ENTPD8: variants seen among roughly 807,000 people sequenced by gnomAD.
ENTPD8 encodes the protein ectonucleoside triphosphate diphosphohydrolase 8.
ENTPD8 carries 35 observed loss-of-function variants against 47.0 expected under a neutral mutation model. The ratio of observed to expected loss-of-function variants is 0.75; its 90% confidence interval spans 0.57 to 0.99. The LOEUF (loss-of-function observed/expected upper bound fraction) is 0.99, where lower values mean the gene tolerates loss of function less well. ENTPD8 is among the 50% of genes least tolerant of loss of function. The pLI, the probability that ENTPD8 is intolerant of heterozygous loss-of-function variation, is 0.00. For missense variants in ENTPD8, 668 were observed against 649.9 expected (o/e 1.03, Z -0.30); for synonymous variants, 308 against 290.5 (o/e 1.06, Z -0.61).
In ENTPD8 at chr9:137,437,960, C is replaced by T; in HGVS notation, c.244+7G>A. ...CCCAGCACCGGGCTGCAGAACAGCC[C>T]ACTAACCTTCCACCTGGCAGGCCAG... On this transcript the variant is annotated splice_region_variant and intron_variant, in intron 3 of 9. Transcript: ENST00000371506. The T allele has an allele frequency of 1.9e-6, 3 of 1,609,768 alleles. No individual in the cohort carries two copies. The highest frequency in any genetic ancestry group is 1.1e-5 in the South Asian group (1 of 90,880).
In ENTPD8 at chr9:137,436,608, G is replaced by A. The variant is rs572657869; in HGVS notation, c.699C>T (p.Tyr233=). The change falls in exon 6 of 10, where the codon TAC becomes TAT. Residue 233 remains tyrosine (Y), a synonymous_variant. Transcript: ENST00000371506. ...DKSTQADFRL[Y]GSDYSVYTHS... is the part of the protein sequence containing the mutation. ...GAGTGTAGACGCTGTAGTCGGAGCC[G>A]TAGAGGCGAAAATCGGCCTGGGTGC... 188 of 1,610,912 alleles carry A rather than the reference G, an allele frequency of 1.2e-4. No homozygotes were observed. The highest frequency in any genetic ancestry group is 1.2e-3 in the South Asian group (105 of 90,648).
At position 137,434,719 on chromosome 9, in the gene ENTPD8, G is replaced by A. The variant is rs1839287174; in HGVS notation, c.*195C>T. 3.1e-5 allele frequency: 23 copies of A among 737,000 alleles called. No homozygotes were observed. The South Asian group carries it at 4.2e-4, about 13-fold the overall frequency. 45.7% of individuals were successfully genotyped at this position (737,000 alleles called of 1,614,324 possible). A position where few individuals can be genotyped will look rare whatever the true frequency, so the allele number is the denominator to read the frequency against. On this transcript the variant is annotated 3_prime_UTR_variant, in exon 10 of 10. Coordinates refer to ENST00000371506, the MANE Select transcript of ENTPD8 (RefSeq NM_001033113.2). ...AAGCCCAGTTGCGGAAGGAGGTTGG[G>A]GGAGGGACGCCGGGAGGGGAGGTCA...
Position 137,435,328 on chromosome 9 carries a change from C to T in ENTPD8, c.1172G>A (p.Ser391Asn). ...CQRPWKLVEA[S>N]YPGQDRWLRD... ...CAGCCAGCGGTCCTGCCCAGGGTAG[C>T]TGGCCTCCACCTGGGGCCCAGGAGA... Residue 391 changes from serine (S) to asparagine (N), a missense_variant, in exon 9 of 10, where the codon AGC becomes AAC. Physicochemically the swap from Ser to Asn is conservative, Grantham distance 46 (BLOSUM62 1). Transcript: ENST00000371506. 1.2e-6 allele frequency: 2 copies of T among 1,610,428 alleles called. No individual in the cohort carries two copies. The highest frequency in any genetic ancestry group is 2.2e-5 in the South Asian group (2 of 90,938).
In ENTPD8 at chr9:137,435,270, G is replaced by A; in HGVS notation, c.1230C>T (p.Leu410=). ...RDYCASGLYI[L]TLLHEGYGFS... ...ACCCGTAGCCCTCGTGCAGGAGGGT[G>A]AGGATGTACAGGCCTGAGGCACAGT... The change falls in exon 9 of 10, where the codon CTC becomes CTT. Residue 410 remains leucine (L), a synonymous_variant. Coordinates refer to ENST00000371506, the MANE Select transcript of ENTPD8 (RefSeq NM_001033113.2). The A allele has an allele frequency of 6.2e-7, 1 of 1,612,556 alleles. No homozygotes were observed. Among genetic ancestry groups the A allele is most frequent in the Non-Finnish European group, 8.5e-7 (1 of 1,179,904 alleles).
intron 1 of ENTPD8, among the ~76,000 whole-genome samples, chr9:137,439,596 G>A (rs868176752): frequency 6.6e-6 from 1 of 152,068 alleles, no homozygotes. Context: ...TTTAAGGAGG[G>A]TAGATGACAG....
intron 3 of ENTPD8, among the ~76,000 whole-genome samples, chr9:137,437,636 T>C (rs1189117651): frequency 1.3e-5 from 2 of 151,878 alleles, no homozygotes; most frequent in African/African-American, 4.8e-5. Flanking sequence ...GATCCTGGAG[T>C]GCAGGCACCC....
In ENTPD8 at chr9:137,438,959, C is replaced by T. The variant is rs1839443701; in HGVS notation, c.-20-654G>A. Among the ~76,000 whole-genome samples, 1 of 152,146 alleles carries T rather than the reference C, an allele frequency of 6.6e-6. No individual in the cohort carries two copies. The highest frequency in any genetic ancestry group is 2.4e-5 in the African/African-American group (1 of 41,424). On this transcript the variant is annotated intron_variant, in intron 1 of 9. Coordinates refer to ENST00000371506, the MANE Select transcript of ENTPD8 (RefSeq NM_001033113.2). This position sits in a 1 kb window ranked among gnomAD's most constrained non-coding sequence, Gnocchi z 5.7. ...CACAGCTCCAGCCTGCACTGGGGGC[C>T]CAGGGCTCTGCCTCCTCTCTGCGGC...
In ENTPD8 at chr9:137,436,142, A is replaced by G. The variant is rs756561242; in HGVS notation, c.921T>C (p.Val307=). Residue 307 remains valine (V), a synonymous_variant, in exon 7 of 10, where the codon GTT becomes GTC. Coordinates refer to ENST00000371506, the MANE Select transcript of ENTPD8 (RefSeq NM_001033113.2). ...PPLSLPQNLT[V]EGTGNPGACV... The stretch of plus-strand genomic sequence containing the variant: ...AGGCTCCAGGGTTGCCTGTCCCTTC[A>G]ACTGTGAGGTTCTGGGGGAGGCTCA... The G allele has an allele frequency of 6.2e-7, 1 of 1,612,910 alleles. No homozygotes were observed. Among genetic ancestry groups the G allele is most frequent in the Non-Finnish European group, 8.5e-7 (1 of 1,179,938 alleles).
In ENTPD8 at chr9:137,437,027, G is replaced by C; in HGVS notation, c.397C>G (p.Arg133Gly). Residue 133 changes from arginine to glycine, a missense_variant and splice_region_variant, in exon 5 of 10, where the codon CGG (arginine) becomes GGG (glycine). Physicochemically the swap from Arg to Gly is moderately radical, Grantham distance 125. Transcript: ENST00000371506. ...TCCCTGGCCTGAGAGCTGTTCTTCC[G>C]GCTGGGCACAGAGGACCAGGGGCTG... ...GATAGMRLLS[R>G]KNSSQARDIF... 1 of 1,611,976 alleles carries C rather than the reference G, an allele frequency of 6.2e-7. No homozygotes were observed. Among genetic ancestry groups the C allele is most frequent in the Non-Finnish European group, 8.5e-7 (1 of 1,179,418 alleles).
At chr9:137,435,129 G>C (rs1270437150) in intron 9 of ENTPD8, 24 bp from the exon 10 acceptor site, 1 of 1,603,594 alleles carries the variant, frequency 6.2e-7, no homozygotes, top group Non-Finnish European at 8.5e-7. Flanking sequence ...GGCTGCTCAG[G>C]GCTGCGGGGC....
intron 8 of ENTPD8, 73 bp downstream of exon 8, chr9:137,435,646 C>G: frequency 7.0e-7 from 1 of 1,430,622 alleles, no homozygotes; most frequent in Non-Finnish European, 9.8e-7. Context: ...AATGAGGCTC[C>G]AGCATCCTGC....
In ENTPD8 at chr9:137,436,556, G is replaced by A. The variant is rs1839366411; in HGVS notation, c.751C>T (p.Gln251Ter). Reference protein sequence around the residue: ...THSYLCFGRDQMLSRLLVGLV... With the variant: ...THSYLCFGRD ...CCCACGAGGAGCCTGCTCAGCATCT[G>A]GTCCCGTCCAAAGCACAGGTAGCTG... is the stretch of plus-strand genomic sequence containing the variant. The change falls in exon 6 of 10, where the codon CAG becomes TAG. Residue 251 changes from glutamine (Q) to a stop codon, truncating the protein, a stop_gained. Coordinates refer to ENST00000371506, the MANE Select transcript of ENTPD8 (RefSeq NM_001033113.2). LOFTEE classifies it high-confidence loss of function. The A allele has an allele frequency of 6.2e-7, 1 of 1,611,474 alleles. No individual in the cohort carries two copies.
At chr9:137,437,554 C>A (rs2052174133) in intron 3 of ENTPD8, among the ~76,000 whole-genome samples, 1 of 152,164 alleles carries the variant, frequency 6.6e-6, no homozygotes, top group Non-Finnish European at 1.5e-5. Flanking sequence ...TGTTTTAAGC[C>A]CCCAATTTGT....
chr9:137,434,530 C>T lies in ENTPD8; in HGVS notation c.*384G>A. ...GGGGTCCAGGTGGGGCAGCTCCCTC[C>T]CTTCCACCCCTCTCCGCCCCTCCTG... On this transcript the variant is annotated 3_prime_UTR_variant, in exon 10 of 10. Coordinates refer to ENST00000371506, the MANE Select transcript of ENTPD8 (RefSeq NM_001033113.2). 1.3e-6 allele frequency: 1 copy of T among 746,656 alleles called. No individual in the cohort carries two copies. The highest frequency in any genetic ancestry group is 2.1e-6 in the Non-Finnish European group (1 of 469,642). 46.3% of individuals were successfully genotyped at this position (746,656 alleles called of 1,614,324 possible).
chr9:137,438,310 G>C lies in ENTPD8; in HGVS notation c.-20-5C>G. The C allele has an allele frequency of 4.6e-6, 7 of 1,527,496 alleles. No individual in the cohort carries two copies. Among genetic ancestry groups the C allele is most frequent in the Non-Finnish European group, 6.2e-6 (7 of 1,134,414 alleles). The allele number at this position is 1,527,496 out of a possible 1,614,324, so 94.6% of individuals were successfully genotyped here. On this transcript the variant is annotated splice_region_variant and splice_polypyrimidine_tract_variant and intron_variant, in intron 1 of 9. Coordinates refer to ENST00000371506, the MANE Select transcript of ENTPD8 (RefSeq NM_001033113.2). This position sits in a 1 kb window ranked among gnomAD's most constrained non-coding sequence, Gnocchi z 5.7. ...TGGTGCAGGTGGTACTGGTTCCTGT[G>C]GGGGGACGGCCGTGGGCACCCAGGC...
Position 137,438,264 on chromosome 9 carries a change from G to A in ENTPD8, c.22C>T (p.Gln8Ter). 2 of 1,592,358 alleles carry A rather than the reference G, an allele frequency of 1.3e-6. No individual in the cohort carries two copies. Among genetic ancestry groups the A allele is most frequent in the Non-Finnish European group, 1.7e-6 (2 of 1,169,978 alleles). Reference protein sequence around the residue: MGLSRKEQVFLALLGASG... With the variant: MGLSRKE ...GCCCCCAGCAGGGCCAAGAAGACCT[G>A]CTCCTTCCGGGACAGCCCCATGGTG... The change falls in exon 2 of 10, where the codon CAG becomes TAG. Residue 8 changes from glutamine (Q) to a stop codon, truncating the protein, a stop_gained. Transcript: ENST00000371506. LOFTEE classifies it high-confidence loss of function. The surrounding 1 kb of genome is among the most constrained non-coding windows in gnomAD (Gnocchi z 5.7).
intron 1 of ENTPD8, among the ~76,000 whole-genome samples, chr9:137,439,848 C>G (rs575024477): frequency 6.8e-4 from 103 of 151,936 alleles, no homozygotes; most frequent in African/African-American, 2.4e-3. Flanking sequence ...AACAGCCTCC[C>G]AGATCAGAAC....
Position 137,438,053 on chromosome 9 carries a change from T to C in ENTPD8, c.158A>G (p.His53Arg). 6.2e-7 allele frequency: 1 copy of C among 1,612,838 alleles called. No individual in the cohort carries two copies. Among genetic ancestry groups the C allele is most frequent in the Non-Finnish European group, 8.5e-7 (1 of 1,179,776 alleles). ...FGIVFDAGSS[H>R]TSLFLYQWLA... ...CCACTGATACAGGAAGAGGGACGTGTGGGAGGAGCCCGCATCAAACACGAT... is the reference window on the plus strand; with the variant it reads ...CCACTGATACAGGAAGAGGGACGTGCGGGAGGAGCCCGCATCAAACACGAT... The change falls in exon 3 of 10, where the codon CAC becomes CGC. Residue 53 changes from histidine to arginine, a missense_variant. Physicochemically the swap from His to Arg is conservative, Grantham distance 29. Transcript: ENST00000371506. This position sits in a 1 kb window ranked among gnomAD's most constrained non-coding sequence, Gnocchi z 5.7.
rs1839289381 is a variant in ENTPD8 at position 137,434,774 on chromosome 9, C to T, written c.*140G>A. ...GCCTCTGTGGCCAGCACCACCCTGA[C>T]GGTGCCCTGGAGGTGGCTGTCACCT... On this transcript the variant is annotated 3_prime_UTR_variant, in exon 10 of 10. Coordinates refer to ENST00000371506, the MANE Select transcript of ENTPD8 (RefSeq NM_001033113.2). 1.1e-5 allele frequency: 12 copies of T among 1,098,346 alleles called. No individual in the cohort carries two copies. Among genetic ancestry groups the T allele is most frequent in the South Asian group, 1.7e-5 (1 of 60,092 alleles). The allele number at this position is 1,098,346 out of a possible 1,614,324, so 68.0% of individuals were successfully genotyped here.
Sources: allele counts gnomAD v4.1 joint callset (sites outside exome capture counted in the v4.1 genomes callset), GRCh38; gene constraint gnomAD v4.1.1; non-coding constraint Gnocchi (gnomAD v3.1); transcripts MANE v1.5; gene names NCBI Gene and HGNC (gene_info 2026-07-23, HGNC 2026-07-21).